The following GSG1L variants were observed in gnomAD, a reference collection of about 807,000 sequenced individuals.
The protein encoded by GSG1L is germ cell-specific gene 1-like protein.
GSG1L carries 24 observed loss-of-function variants against 42.1 expected under a neutral mutation model. The ratio of observed to expected loss-of-function variants is 0.57; its 90% confidence interval spans 0.41 to 0.80. GSG1L has a LOEUF of 0.80. Ranked by LOEUF, GSG1L falls within the 30% of genes least tolerant of loss-of-function variation. The pLI is 0.00. For synonymous variants in GSG1L, 215 were observed against 203.5 expected, an observed-to-expected ratio of 1.06 and a Z score of -0.48; for missense variants, 445 against 472.2, an observed-to-expected ratio of 0.94 and a Z score of 0.53.
intron 1 of GSG1L, among the ~76,000 whole-genome samples, chr16:27,969,779 G>A (rs1009845904): frequency 2.6e-5 from 4 of 152,134 alleles, no homozygotes; most frequent in Admixed American, 6.5e-5. Flanking sequence ...GAGAAATTGC[G>A]ACACTTTTTT....
intron 2 of GSG1L, among the ~76,000 whole-genome samples, chr16:27,951,854 C>T (rs755912537): frequency 3.3e-5 from 5 of 152,128 alleles, no homozygotes; most frequent in African/African-American, 9.7e-5. Context: ...GTTGAGGGAA[C>T]GAACAAGAGA....
intron 5 of GSG1L, among the ~76,000 whole-genome samples, chr16:27,826,226 C>T (rs950831444): frequency 2.0e-5 from 3 of 152,120 alleles, no homozygotes; most frequent in African/African-American, 7.2e-5. Flanking sequence ...GGGAAAGACA[C>T]AGTGGCAGGC....
chr16:28,044,028 AC>A (rs1289332304), intron 1 of GSG1L, among the ~76,000 whole-genome samples: 1 of 151,444 alleles, frequency 6.6e-6, no homozygotes, highest in Non-Finnish European at 1.5e-5. Flanking sequence ...TCTGAAAAAA[AC>A]AAACAAAAAA....
intron 1 of GSG1L, among the ~76,000 whole-genome samples, chr16:27,988,837 G>T (rs1177904387): frequency 6.6e-6 from 1 of 151,078 alleles, no homozygotes; most frequent in Non-Finnish European, 1.5e-5. Context: ...GGCGGATCAC[G>T]AGGTCAGGAG....
At chr16:27,869,203 G>A (rs531416889) in intron 3 of GSG1L, among the ~76,000 whole-genome samples, 2 of 147,692 alleles carry the variant, frequency 1.4e-5, no homozygotes, top group East Asian at 3.9e-4. Flanking sequence ...GTAAGAAAAA[G>A]GCTACAGGTG....
chr16:27,859,002 A>G (rs1275247398), intron 3 of GSG1L, among the ~76,000 whole-genome samples: 1 of 152,204 alleles, frequency 6.6e-6, no homozygotes, highest in Non-Finnish European at 1.5e-5. Context: ...ATGGTGAGGC[A>G]GGAAGAGACC....
chr16:27,932,448 C>A (rs1201423662), intron 2 of GSG1L, among the ~76,000 whole-genome samples: 1 of 152,110 alleles, frequency 6.6e-6, no homozygotes, highest in Non-Finnish European at 1.5e-5. Context: ...AGGAAACTTA[C>A]AATCATAGCA....
chr16:28,044,284 G>A (rs1332392792), intron 1 of GSG1L, among the ~76,000 whole-genome samples: 1 of 150,444 alleles, frequency 6.6e-6, no homozygotes, highest in Admixed American at 6.7e-5. Context: ...GGCCAAAGCA[G>A]GAGGATGGGA....
intron 2 of GSG1L, among the ~76,000 whole-genome samples, chr16:27,947,596 A>AGAAAGAAAGAAG: frequency 9.8e-6 from 1 of 101,630 alleles, no homozygotes; most frequent in Admixed American, 9.0e-5. Context: ...AAAGAAAGAA[A>AGAAAGAAAGAAG]GAAAAAGAAA....
At position 27,796,591 on chromosome 16, in the gene GSG1L, G is replaced by A. The variant is rs11861881; in HGVS notation, c.899-5124C>T. Among the ~76,000 whole-genome samples, 1,471 of 152,318 alleles carry A rather than the reference G, an allele frequency of 9.7e-3. 23 individuals are homozygous for A. The highest frequency in any genetic ancestry group is 0.031 in the African/African-American group (1,274 of 41,570). ...GCACGTGTCTGCAGAATGAGTGAAC[G>A]GTGGAGGGCTCAGGAGGAAGGGCAG... On this transcript the variant is annotated intron_variant, in intron 6 of 6. Coordinates refer to ENST00000447459, the MANE Select transcript of GSG1L (RefSeq NM_001109763.2).
At chr16:27,800,820 G>A (rs796709590) in intron 6 of GSG1L, among the ~76,000 whole-genome samples, 9 of 152,276 alleles carry the variant, frequency 5.9e-5, no homozygotes, top group African/African-American at 2.2e-4. Flanking sequence ...TTAGACTCTT[G>A]GGATATACAC....
intron 3 of GSG1L, among the ~76,000 whole-genome samples, chr16:27,860,578 A>C (rs1427458635): frequency 6.6e-6 from 1 of 152,182 alleles, no homozygotes; most frequent in African/African-American, 2.4e-5. Flanking sequence ...CAGAATAGCC[A>C]TTGGGGAGTT....
intron 1 of GSG1L, among the ~76,000 whole-genome samples, chr16:27,968,645 TG>T (rs2085160129): frequency 6.6e-6 from 1 of 152,196 alleles, no homozygotes; most frequent in East Asian, 1.9e-4. Context: ...CCCTCCGCTC[TG>T]TGCCTCCTGA....
chr16:27,878,231 C>G (rs2083910769), intron 3 of GSG1L, among the ~76,000 whole-genome samples: 2 of 152,022 alleles, frequency 1.3e-5, no homozygotes, highest in African/African-American at 4.8e-5. Flanking sequence ...AAAGACATAC[C>G]CAAGACTGGG....
In GSG1L at chr16:27,825,647, T is replaced by C. The variant is rs117281613; in HGVS notation, c.830+3142A>G. ...CTGTACTCAGTCTGGGTGACTGATA[T>C]GGTTTAGCTGTGTCCACCCAAATCT... On this transcript the variant is annotated intron_variant, in intron 5 of 6. Coordinates refer to ENST00000447459, the MANE Select transcript of GSG1L (RefSeq NM_001109763.2). 2.4e-4 allele frequency among the ~76,000 whole-genome samples: 36 copies of C among 152,308 alleles called. No individual in the cohort carries two copies. The East Asian group carries it at 6.2e-3, about 26-fold the overall frequency.
At chr16:27,925,850 C>G (rs867780873) in intron 2 of GSG1L, among the ~76,000 whole-genome samples, 4 of 152,198 alleles carry the variant, frequency 2.6e-5, no homozygotes, top group Non-Finnish European at 5.9e-5. Flanking sequence ...GTGCCTGGGG[C>G]GTGCACAGAG....
In GSG1L at chr16:28,063,434, GCCGCCGGGACGGGACTGCA is replaced by G; in HGVS notation, c.-29_-11del. On this transcript the variant is annotated 5_prime_UTR_variant, in exon 1 of 7. Coordinates refer to ENST00000447459, the MANE Select transcript of GSG1L (RefSeq NM_001109763.2). This position sits in a 1 kb window ranked among gnomAD's most constrained non-coding sequence, Gnocchi z 5.8. ...GGCGGCTAGTCTTCATGCCGCCCGC[GCCGCCGGGACGGGACTGCA>G]CCGCCGGGGAGCTCCGCGCGCGAAG... The G allele has an allele frequency of 8.0e-7, 1 of 1,252,256 alleles. No homozygotes were observed. The highest frequency in any genetic ancestry group is 3.8e-5 in the East Asian group (1 of 26,312). The allele number at this position is 1,252,256 out of a possible 1,614,324, so 77.6% of individuals were successfully genotyped here.
chr16:27,823,696 TG>T (rs1472221542), intron 5 of GSG1L, among the ~76,000 whole-genome samples: 1 of 152,202 alleles, frequency 6.6e-6, no homozygotes, highest in East Asian at 1.9e-4. Flanking sequence ...TCACCTCACC[TG>T]CCCCTCCTGC....
At chr16:27,811,362 C>G (rs528791262) in intron 5 of GSG1L, among the ~76,000 whole-genome samples, 2 of 152,244 alleles carry the variant, frequency 1.3e-5, no homozygotes, top group South Asian at 4.2e-4. Context: ...GTTGACTCTT[C>G]CAAATAATGG....
Sources: gnomAD v4.1 joint callset for allele counts (sites outside exome capture counted in the v4.1 genomes callset) on GRCh38, gnomAD v4.1.1 for gene constraint, Gnocchi (gnomAD v3.1) non-coding constraint, MANE v1.5 for transcripts, NCBI Gene and HGNC (gene_info 2026-07-23, HGNC 2026-07-21) for gene names.